The following ATP10B variants were observed in gnomAD, a reference collection of about 807,000 sequenced individuals.
ATP10B encodes the protein ATPase phospholipid transporting 10B (putative), also known as phospholipid-transporting ATPase VB.
A neutral mutation model predicts 141.2 loss-of-function variants in ATP10B; 122 were observed. That is an observed-to-expected ratio of 0.86 (90% confidence interval 0.75 to 1.00). ATP10B has a LOEUF of 1.00. ATP10B is among the 50% of genes least tolerant of loss of function. The probability of loss-of-function intolerance (pLI) is 0.00; values close to 1 mark genes in which losing one functional copy is unlikely to be tolerated. For missense variants in ATP10B, 1,876 were observed against 1,825.3 expected (o/e 1.03, Z -0.51); for synonymous variants, 685 against 692.0 (o/e 0.99, Z 0.16).
chr5:160,873,265 A>G, the ATP10B span, among the ~76,000 whole-genome samples: 320 of 152,268 alleles, frequency 2.1e-3, no homozygotes, highest in African/African-American at 7.4e-3. Context: ...GATGAAGAAT[A>G]TCCACAAAAA....
chr5:160,789,035 A>T (rs929917275), intron 1 of ATP10B, among the ~76,000 whole-genome samples: 1 of 152,168 alleles, frequency 6.6e-6, no homozygotes, highest in African/African-American at 2.4e-5. Flanking sequence ...CTTCATGGAG[A>T]AGATAGCATT....
At chr5:160,630,905 C>T (rs770479334) in intron 13 of ATP10B, among the ~76,000 whole-genome samples, 2 of 152,178 alleles carry the variant, frequency 1.3e-5, no homozygotes, top group Non-Finnish European at 2.9e-5. Flanking sequence ...CACAGTGTTT[C>T]TTCTTTGTCA....
At chr5:160,818,142 G>A (rs1773812450) in intron 1 of ATP10B, among the ~76,000 whole-genome samples, 1 of 152,142 alleles carries the variant, frequency 6.6e-6, no homozygotes, top group South Asian at 2.1e-4. Flanking sequence ...AGCCAAAATT[G>A]ACAAATGGGA....
chr5:160,612,698 A>G (rs1757784026), intron 18 of ATP10B, 43 bp downstream of exon 18: 1 of 1,545,642 alleles, frequency 6.5e-7, no homozygotes, highest in African/African-American at 1.4e-5. Context: ...GGGTTGCTCT[A>G]CACGTTGATA....
chr5:160,602,509 G>A lies in ATP10B; in HGVS notation c.3363+68C>T, dbSNP rs190176732. On this transcript the variant is annotated intron_variant, in intron 21 of 25. Coordinates refer to ENST00000327245, the MANE Select transcript of ATP10B (RefSeq NM_025153.3). ...TGCTGAGGTGCTTTGCCCACTGCTA[G>A]GGAGAGATCTGGCCCCGTGGCAAGG... 7,215 of 1,605,154 alleles carry A rather than the reference G, an allele frequency of 4.5e-3. 72 individuals are homozygous for A. The highest frequency in any genetic ancestry group is 0.026 in the South Asian group (2,302 of 90,028).
chr5:160,916,037 A>T, the ATP10B span, among the ~76,000 whole-genome samples: 1 of 152,218 alleles, frequency 6.6e-6, no homozygotes, highest in Non-Finnish European at 1.5e-5. Context: ...AACAGGGAGT[A>T]GGATGGGGGT....
intron 21 of ATP10B, among the ~76,000 whole-genome samples, chr5:160,600,370 T>C (rs966346190): frequency 2.6e-5 from 4 of 152,190 alleles, no homozygotes; most frequent in Non-Finnish European, 5.9e-5. Context: ...CAGTCCTATC[T>C]TTGGCTTATA....
chr5:160,804,104 C>T (rs1286592239), intron 1 of ATP10B, among the ~76,000 whole-genome samples: 4 of 152,178 alleles, frequency 2.6e-5, no homozygotes, highest in African/African-American at 4.8e-5. Context: ...CCTACCCTTG[C>T]ACCCATACAT....
At chr5:160,796,095 T>C (rs1235063032) in intron 1 of ATP10B, among the ~76,000 whole-genome samples, 1 of 152,150 alleles carries the variant, frequency 6.6e-6, no homozygotes, top group Non-Finnish European at 1.5e-5. Flanking sequence ...ACTTTAACAA[T>C]TGATGTATAT....
At chr5:160,924,464 A>G in the ATP10B span, among the ~76,000 whole-genome samples, 1 of 152,242 alleles carries the variant, frequency 6.6e-6, no homozygotes, top group East Asian at 1.9e-4. Context: ...AATACTCAAT[A>G]AAAGGTATTA....
intron 2 of ATP10B, among the ~76,000 whole-genome samples, chr5:160,717,359 T>C (rs1452993138): frequency 2.6e-5 from 4 of 152,198 alleles, no homozygotes; most frequent in Admixed American, 6.5e-5. Flanking sequence ...GCCTGGTGTG[T>C]CTTTGGGGAG....
chr5:160,791,404 G>A (rs190522868), intron 1 of ATP10B, among the ~76,000 whole-genome samples: 53 of 152,266 alleles, frequency 3.5e-4, no homozygotes, highest in African/African-American at 1.3e-3. Flanking sequence ...TGCTCAGTAG[G>A]AATTGGTGTC....
At chr5:160,707,684 G>C (rs991562198) in intron 3 of ATP10B, among the ~76,000 whole-genome samples, 5 of 152,258 alleles carry the variant, frequency 3.3e-5, no homozygotes, top group African/African-American at 1.2e-4. Context: ...TCAGATGAGT[G>C]GAAGAGAATC....
At chr5:160,653,537 TATACATAC>T (rs1157817895) in intron 7 of ATP10B, among the ~76,000 whole-genome samples, 2 of 131,178 alleles carry the variant, frequency 1.5e-5, no homozygotes, top group African/African-American at 3.1e-5. Context: ...ATATATTACA[TATACATAC>T]ATACATATAT....
At chr5:160,928,726 T>A in the ATP10B span, among the ~76,000 whole-genome samples, 2 of 152,164 alleles carry the variant, frequency 1.3e-5, no homozygotes, top group Admixed American at 1.3e-4. Context: ...TCTCTCCCTC[T>A]CTTCCCCACA....
At chr5:160,885,699 G>A in the ATP10B span, among the ~76,000 whole-genome samples, 1 of 152,174 alleles carries the variant, frequency 6.6e-6, no homozygotes, top group African/African-American at 2.4e-5. Flanking sequence ...AGCTCTTCTA[G>A]GGACAAGAGA....
chr5:160,663,353 A>G (rs908550115), intron 7 of ATP10B, among the ~76,000 whole-genome samples: 2 of 152,224 alleles, frequency 1.3e-5, no homozygotes, highest in African/African-American at 2.4e-5. Context: ...TGTTTATTAC[A>G]GCACTATTCA....
At chr5:160,808,894 G>A (rs1772961083) in intron 1 of ATP10B, among the ~76,000 whole-genome samples, 1 of 152,168 alleles carries the variant, frequency 6.6e-6, no homozygotes, top group South Asian at 2.1e-4. Flanking sequence ...GGTAGGATCG[G>A]TTCCTTCTGG....
At chr5:160,693,831 C>T (rs7732261) in intron 3 of ATP10B, among the ~76,000 whole-genome samples, 90,134 of 152,170 alleles carry the variant, frequency 0.59, 28,156 homozygotes, top group Middle Eastern at 0.74. Flanking sequence ...CTCCACTGAT[C>T]TGACAGCAGG....
Sources: gnomAD v4.1 joint callset for allele counts (sites outside exome capture counted in the v4.1 genomes callset) on GRCh38, gnomAD v4.1.1 for gene constraint, MANE v1.5 for transcripts, NCBI Gene and HGNC (gene_info 2026-07-23, HGNC 2026-07-21) for gene names.